The following ZNF536 variants were observed in gnomAD, a reference collection of about 807,000 sequenced individuals.
ZNF536 encodes the protein zinc finger protein 536.
In ZNF536, 13 loss-of-function variants were observed where a neutral mutation model predicts 84.5. That is an observed-to-expected ratio of 0.15 (90% CI 0.10 to 0.24). The LOEUF (loss-of-function observed/expected upper bound fraction) is 0.24, where lower values mean the gene tolerates loss of function less well. Ranked by LOEUF, ZNF536 falls within the 10% of genes least tolerant of loss-of-function variation. ZNF536 has a pLI of 1.00. For missense variants in ZNF536, 1,536 were observed against 1,747.5 expected (o/e 0.88, Z 2.16); for synonymous variants, 811 against 742.5 (o/e 1.09, Z -1.50).
intron 1 of ZNF536, among the ~76,000 whole-genome samples, chr19:30,430,597 G>C (rs1013830172): frequency 6.6e-6 from 1 of 152,228 alleles, no homozygotes; most frequent in Non-Finnish European, 1.5e-5. Context: ...AAGATTACTA[G>C]GCACAGGGGC....
At chr19:30,373,275 G>A (rs2048682257) in intron 1 of ZNF536, among the ~76,000 whole-genome samples, 1 of 152,026 alleles carries the variant, frequency 6.6e-6, no homozygotes, top group Non-Finnish European at 1.5e-5. Flanking sequence ...CCCTTGTCCA[G>A]CCTGGAGGTC....
chr19:30,702,305 TG>T (rs988458123), intron 1 of ZNF536, among the ~76,000 whole-genome samples: 3 of 152,318 alleles, frequency 2.0e-5, no homozygotes, highest in East Asian at 1.9e-4. Context: ...TTATTCATAG[TG>T]GATTAAAAAT....
chr19:30,368,457 G>A (rs758824290), upstream of ZNF536, among the ~76,000 whole-genome samples: 10 of 152,110 alleles, frequency 6.6e-5, no homozygotes, highest in Non-Finnish European at 1.3e-4. Flanking sequence ...GAAGTCACAC[G>A]GACGTCCTGC....
chr19:30,698,158 G>A (rs2051741083), intron 1 of ZNF536, among the ~76,000 whole-genome samples: 1 of 152,104 alleles, frequency 6.6e-6, no homozygotes, highest in Non-Finnish European at 1.5e-5. Context: ...TGGACCCATT[G>A]GTGCACGCCT....
chr19:30,663,144 G>A (rs933344977), intron 1 of ZNF536, among the ~76,000 whole-genome samples: 3 of 151,798 alleles, frequency 2.0e-5, no homozygotes, highest in African/African-American at 7.3e-5. Flanking sequence ...TTAGCAATCA[G>A]TTTAAGAAAA....
chr19:30,378,437 G>A (rs566272555), intron 1 of ZNF536, among the ~76,000 whole-genome samples: 4 of 152,218 alleles, frequency 2.6e-5, no homozygotes, highest in Non-Finnish European at 5.9e-5. Flanking sequence ...ATGGGATTAC[G>A]GATGTGAGCC....
At chr19:30,273,931 A>G (rs2145513329) in intron 1 of ZNF536, among the ~76,000 whole-genome samples, 1 of 152,370 alleles carries the variant, frequency 6.6e-6, no homozygotes, top group African/African-American at 2.4e-5. Context: ...ATGGAAAGAA[A>G]TGCACCAAAA....
In ZNF536 at chr19:30,383,771, CT is replaced by C. The variant is rs775902710; in HGVS notation, c.-3+11219del. Among the ~76,000 whole-genome samples, 37 of 89,478 alleles carry C rather than the reference CT, an allele frequency of 4.1e-4. 1 individual carries two copies. Among genetic ancestry groups the C allele is most frequent in the Middle Eastern group, 5.6e-3 (1 of 178 alleles). 58.7% of individuals were successfully genotyped at this position (89,478 alleles called of 152,430 possible). A position where few individuals can be genotyped will look rare whatever the true frequency, so the allele number is the denominator to read the frequency against. ...TTTCTTTCTTTCTCTTTCTTTCTTTCTTTTCTTTCTTTCTTTCTTTTCTTTC... is the reference window on the plus strand; with the variant it reads ...TTTCTTTCTTTCTCTTTCTTTCTTTCTTTCTTTCTTTCTTTCTTTTCTTTC... On this transcript the variant is annotated intron_variant, in intron 1 of 4. Coordinates refer to ENST00000355537, the MANE Select transcript of ZNF536 (RefSeq NM_014717.3).
At chr19:30,646,731 T>A (rs1350226974) in intron 1 of ZNF536, among the ~76,000 whole-genome samples, 1 of 152,226 alleles carries the variant, frequency 6.6e-6, no homozygotes, top group Non-Finnish European at 1.5e-5. Context: ...ATTCATCATA[T>A]TTCAATAAAT....
chr19:30,403,275 T>C (rs2050129670), intron 1 of ZNF536, among the ~76,000 whole-genome samples: 1 of 152,194 alleles, frequency 6.6e-6, no homozygotes, highest in Non-Finnish European at 1.5e-5. Flanking sequence ...CATTACAATA[T>C]TTTTTATAAG....
At chr19:30,327,646 C>T (rs2047082645) in intron 2 of ZNF536, among the ~76,000 whole-genome samples, 1 of 152,224 alleles carries the variant, frequency 6.6e-6, no homozygotes, top group Non-Finnish European at 1.5e-5. Flanking sequence ...ATGCACCCTT[C>T]ATTTGGGAGG....
At chr19:30,321,113 T>A (rs1025079086) in intron 2 of ZNF536, among the ~76,000 whole-genome samples, 1 of 152,198 alleles carries the variant, frequency 6.6e-6, no homozygotes, top group African/African-American at 2.4e-5. Context: ...CAGCTCCAGC[T>A]GTGTGACGCT....
intron 2 of ZNF536, among the ~76,000 whole-genome samples, chr19:30,485,169 A>AATAC (rs992039022): frequency 6.0e-5 from 9 of 150,460 alleles, no homozygotes; most frequent in African/African-American, 2.0e-4. Context: ...TAAATAAATA[A>AATAC]ATACATAAAT....
At chr19:30,310,096 T>C (rs775849844) in intron 2 of ZNF536, among the ~76,000 whole-genome samples, 18 of 152,208 alleles carry the variant, frequency 1.2e-4, no homozygotes, top group Non-Finnish European at 2.2e-4. Flanking sequence ...TAGATGGTTT[T>C]AGTATAACGT....
intron 2 of ZNF536, among the ~76,000 whole-genome samples, chr19:30,508,915 C>G (rs1198040781): frequency 6.9e-6 from 1 of 144,088 alleles, no homozygotes; most frequent in Non-Finnish European, 1.5e-5. Context: ...GCAGCCTTGA[C>G]CTCCTGGGCT....
In ZNF536 at chr19:30,320,831, G is replaced by A. The variant is rs968190926; in HGVS notation, c.-119-31537G>A. Among the ~76,000 whole-genome samples, 3 of 152,254 alleles carry A rather than the reference G, an allele frequency of 2.0e-5. No homozygotes were observed. In the East Asian group the frequency reaches 5.8e-4, roughly 29 times the overall value. On this transcript the variant is annotated intron_variant, in intron 2 of 5. Coordinates refer to the ZNF536 transcript ENST00000585628. ...TCAGGGCCTTAAATTCAGTGTGTAAGCAGGAGAAGGCCCACTGTGCGCCGG... is the reference window on the plus strand; with the variant it reads ...TCAGGGCCTTAAATTCAGTGTGTAAACAGGAGAAGGCCCACTGTGCGCCGG...
intron 2 of ZNF536, among the ~76,000 whole-genome samples, chr19:30,461,521 C>T (rs1428608814): frequency 6.6e-6 from 1 of 152,084 alleles, no homozygotes; most frequent in Non-Finnish European, 1.5e-5. Context: ...CCCTGAGCCC[C>T]ACACTTAGGC....
intron 1 of ZNF536, among the ~76,000 whole-genome samples, chr19:30,593,473 C>A (rs994849540): frequency 3.9e-5 from 6 of 152,178 alleles, no homozygotes; most frequent in African/African-American, 1.4e-4. Flanking sequence ...CAGCCAGCAG[C>A]CCTCAGGCCT....
chr19:30,462,148 G>A (rs1323898852), intron 2 of ZNF536, among the ~76,000 whole-genome samples: 2 of 152,172 alleles, frequency 1.3e-5, no homozygotes, highest in South Asian at 4.1e-4. Flanking sequence ...CTTTGCACTG[G>A]ACACATGCAG....
Sources: allele counts gnomAD v4.1 joint callset (sites outside exome capture counted in the v4.1 genomes callset), GRCh38; gene constraint gnomAD v4.1.1; transcripts MANE v1.5; gene names NCBI Gene and HGNC (gene_info 2026-07-23, HGNC 2026-07-21).